DCC: variants seen among roughly 807,000 people sequenced by gnomAD.
DCC encodes the protein DCC netrin 1 receptor.
In DCC, 58 loss-of-function variants were observed where a neutral mutation model predicts 172.5. The observed-to-expected ratio is 0.34, with a 90% confidence interval of 0.27 to 0.42. DCC has a LOEUF of 0.42. DCC is among the 10% of genes least tolerant of loss of function. The pLI, the probability that DCC is intolerant of heterozygous loss-of-function variation, is 1.00. For synonymous variants in DCC, 709 were observed against 644.5 expected (o/e 1.10, Z -1.52); for missense variants, 1,740 against 1,791.0 (o/e 0.97, Z 0.51).
At chr18:53,359,297 T>C (rs2057918825) in intron 15 of DCC, among the ~76,000 whole-genome samples, 1 of 152,196 alleles carries the variant, frequency 6.6e-6, no homozygotes, top group Admixed American at 6.5e-5. Flanking sequence ...TTTGCTGCAG[T>C]ACTGAATCAC....
chr18:52,352,531 T>C (rs1423552230), intron 1 of DCC, among the ~76,000 whole-genome samples: 1 of 152,112 alleles, frequency 6.6e-6, no homozygotes, highest in Non-Finnish European at 1.5e-5. Context: ...ATCCAAACCA[T>C]CCTCCCCTAT....
chr18:53,321,012 C>T (rs2057405182), intron 13 of DCC, among the ~76,000 whole-genome samples: 2 of 152,108 alleles, frequency 1.3e-5, no homozygotes, highest in South Asian at 4.1e-4. Flanking sequence ...AATAACTAAT[C>T]CTTTCTAACC....
chr18:52,851,783 C>A (rs538144050), intron 2 of DCC, among the ~76,000 whole-genome samples: 1 of 152,198 alleles, frequency 6.6e-6, no homozygotes, highest in East Asian at 1.9e-4. Flanking sequence ...CTTATTCTAG[C>A]TGCTGGATAT....
At position 53,450,606 on chromosome 18, in the gene DCC, G is replaced by C. The variant is rs762113039; in HGVS notation, c.3336G>C (p.Leu1112=). ...IVVTVGVITV[L]VVVIVAVICT... The stretch of plus-strand genomic sequence containing the variant: ...TCACCGTTGGTGTCATCACAGTGCT[G>C]GTAGTGGTCATCGTGGCTGTGATTT... Residue 1112 remains leucine, a synonymous_variant, in exon 23 of 29, where the codon CTG becomes CTC. Coordinates refer to ENST00000442544, the MANE Select transcript of DCC (RefSeq NM_005215.4). 3.1e-6 allele frequency: 5 copies of C among 1,610,912 alleles called. No homozygotes were observed. Among genetic ancestry groups the C allele is most frequent in the African/African-American group, 1.4e-5 (1 of 73,874 alleles).
At chr18:52,688,566 A>G (rs561479516) in intron 1 of DCC, among the ~76,000 whole-genome samples, 7 of 152,232 alleles carry the variant, frequency 4.6e-5, no homozygotes, top group Non-Finnish European at 8.8e-5. Flanking sequence ...CTGATGCACA[A>G]CATGAGGACT....
intron 5 of DCC, among the ~76,000 whole-genome samples, chr18:52,970,173 C>T (rs528353591): frequency 4.6e-5 from 7 of 152,086 alleles, no homozygotes; most frequent in Admixed American, 4.6e-4. Flanking sequence ...ATCTGTTTTA[C>T]TATTAGGAAT....
intron 12 of DCC, among the ~76,000 whole-genome samples, chr18:53,236,652 C>G (rs1173013258): frequency 2.0e-5 from 3 of 151,976 alleles, no homozygotes; most frequent in Non-Finnish European, 2.9e-5. Context: ...TTATGATCTA[C>G]TTAAGAAAGT....
At chr18:53,216,627 T>G (rs1388229152) in intron 12 of DCC, among the ~76,000 whole-genome samples, 1 of 152,162 alleles carries the variant, frequency 6.6e-6, no homozygotes, top group Non-Finnish European at 1.5e-5. Context: ...GCAAATGCCT[T>G]GTCATATTTT....
intron 5 of DCC, among the ~76,000 whole-genome samples, chr18:53,047,199 C>T (rs2042249370): frequency 8.0e-6 from 1 of 125,730 alleles, no homozygotes; most frequent in Non-Finnish European, 1.6e-5. Flanking sequence ...TCTCCTACTC[C>T]TTAAGGCTAT....
chr18:52,978,326 A>G (rs1378490975), intron 5 of DCC, among the ~76,000 whole-genome samples: 1 of 152,228 alleles, frequency 6.6e-6, no homozygotes, highest in African/African-American at 2.4e-5. Context: ...AAGAAAAAAA[A>G]TAAAAAATAA....
intron 1 of DCC, among the ~76,000 whole-genome samples, chr18:52,643,130 A>G (rs764079337): frequency 3.3e-5 from 5 of 152,236 alleles, no homozygotes; most frequent in Non-Finnish European, 7.3e-5. Flanking sequence ...ATAGTTAAAA[A>G]GCTTCAAAAA....
At position 53,041,648 on chromosome 18, in the gene DCC, A is replaced by G. The variant is rs114711969; in HGVS notation, c.986-21657A>G. 4.5e-3 allele frequency among the ~76,000 whole-genome samples: 681 copies of G among 152,232 alleles called. 6 individuals carry two copies. The highest frequency in any genetic ancestry group is 0.016 in the African/African-American group (660 of 41,566). ...ATATTGAGTCTTTCTATCCATGAGC[A>G]TGGACTATTTTTCCATTTGTTTGTA... On this transcript the variant is annotated intron_variant, in intron 5 of 28. Transcript: ENST00000442544.
At chr18:53,522,809 AC>A (rs2046414516) in intron 27 of DCC, among the ~76,000 whole-genome samples, 1 of 152,180 alleles carries the variant, frequency 6.6e-6, no homozygotes, top group Non-Finnish European at 1.5e-5. Context: ...AACCATACAA[AC>A]CCTGGAAGAA....
chr18:52,935,528 C>T (rs2040368857), intron 5 of DCC, among the ~76,000 whole-genome samples: 1 of 152,056 alleles, frequency 6.6e-6, no homozygotes, highest in Admixed American at 6.6e-5. Flanking sequence ...AAAACATATA[C>T]TTCAAAATTG....
At chr18:52,927,096 C>CGTGTATATAT in intron 5 of DCC, among the ~76,000 whole-genome samples, 3 of 105,244 alleles carry the variant, frequency 2.9e-5, no homozygotes, top group African/African-American at 7.5e-5. Flanking sequence ...CACGTATATA[C>CGTGTATATAT]GTGTATATAC....
intron 2 of DCC, among the ~76,000 whole-genome samples, chr18:52,821,307 C>A (rs2038403617): frequency 6.6e-6 from 1 of 152,170 alleles, no homozygotes; most frequent in Admixed American, 6.5e-5. Context: ...TCCCCTCTTT[C>A]CAACCGAGGT....
At chr18:52,911,709 T>C (rs968496618) in intron 3 of DCC, among the ~76,000 whole-genome samples, 2 of 143,034 alleles carry the variant, frequency 1.4e-5, no homozygotes, top group Non-Finnish European at 3.1e-5. Flanking sequence ...CATTACCTGA[T>C]ATTTTTGTCT....
intron 2 of DCC, among the ~76,000 whole-genome samples, chr18:52,856,723 A>AT (rs1269994502): frequency 2.0e-5 from 3 of 151,946 alleles, no homozygotes; most frequent in African/African-American, 7.2e-5. Flanking sequence ...GAATCTTTAT[A>AT]TTCTTGAAAA....
At chr18:53,098,163 C>T (rs2043113943) in intron 7 of DCC, among the ~76,000 whole-genome samples, 2 of 151,812 alleles carry the variant, frequency 1.3e-5, no homozygotes. Flanking sequence ...ATTGTTAGCT[C>T]AGTGTAGAAT....
Sources: allele counts gnomAD v4.1 joint callset (sites outside exome capture counted in the v4.1 genomes callset), GRCh38; gene constraint gnomAD v4.1.1; transcripts MANE v1.5; gene names NCBI Gene and HGNC (gene_info 2026-07-23, HGNC 2026-07-21).